CACNA2D4: variants seen among roughly 807,000 people sequenced by gnomAD.
The protein encoded by CACNA2D4 is calcium voltage-gated channel auxiliary subunit alpha2delta 4.
CACNA2D4 carries 157 observed loss-of-function variants against 163.8 expected under a neutral mutation model. The observed-to-expected ratio is 0.96, with a 90% CI of 0.84 to 1.09. The LOEUF is 1.09. Ranked by LOEUF, CACNA2D4 falls within the 50% of genes least tolerant of loss-of-function variation. The probability of loss-of-function intolerance (pLI) is 0.00; values close to 1 mark genes in which losing one functional copy is unlikely to be tolerated. For synonymous variants in CACNA2D4, 598 were observed against 586.9 expected, an observed-to-expected ratio of 1.02 and a Z score of -0.27; for missense variants, 1,410 against 1,479.9, an observed-to-expected ratio of 0.95 and a Z score of 0.78.
chr12:1,905,852 A>G (rs1866647988), intron 6 of CACNA2D4, among the ~76,000 whole-genome samples: 1 of 152,176 alleles, frequency 6.6e-6, no homozygotes, highest in African/African-American at 2.4e-5. Flanking sequence ...TTTATATGGA[A>G]CTCAAGAAAC....
At chr12:1,910,062 C>T in intron 3 of CACNA2D4, 97 bp from the exon 4 acceptor site, 1 of 944,706 alleles carries the variant, frequency 1.1e-6, no homozygotes, top group Non-Finnish European at 1.7e-6. Flanking sequence ...AGCAATCCCA[C>T]TCCTGGGTGT....
intron 26 of CACNA2D4, among the ~76,000 whole-genome samples, chr12:1,822,464 AGCCCCAGGGACACCACCCTGAGCCCG>A (rs564490319): frequency 0.018 from 2,766 of 151,542 alleles, 29 homozygotes; most frequent in Non-Finnish European, 0.022. Context: ...CCCTGAGCCC[AGCCCCAGGGACACCACCCTGAGCCCG>A]GCCCCAGGGC....
intron 26 of CACNA2D4, among the ~76,000 whole-genome samples, chr12:1,839,689 G>A (rs1481812260): frequency 6.6e-6 from 1 of 152,224 alleles, no homozygotes; most frequent in Non-Finnish European, 1.5e-5. Flanking sequence ...GGCACACGCT[G>A]AACACACACA....
At position 1,810,566 on chromosome 12, in the gene CACNA2D4, A is replaced by G. The variant is rs1470606941; in HGVS notation, c.2635T>C (p.Cys879Arg). The part of the protein sequence containing the change: ...TRQCSTVDGP[C>R]TQSCEDSDLD... Reference sequence around the variant, plus strand: ...ACACTGTCCTCGCAGCTCTGTGTGCACGGCCCATCCACAGTGCTGCACTGG... The same window carrying G: ...ACACTGTCCTCGCAGCTCTGTGTGCGCGGCCCATCCACAGTGCTGCACTGG... The change falls in exon 28 of 38, where the codon TGC (cysteine) becomes CGC (arginine). Residue 879 changes from cysteine to arginine, a missense_variant. By Grantham distance (180) the Cys-to-Arg change is radical. Transcript: ENST00000382722. The G allele has an allele frequency of 5.1e-6, 8 of 1,553,700 alleles. No individual in the cohort carries two copies. The highest frequency in any genetic ancestry group is 7.0e-6 in the Non-Finnish European group (8 of 1,148,066).
intron 18 of CACNA2D4, among the ~76,000 whole-genome samples, chr12:1,873,942 C>T (rs1865834325): frequency 6.6e-6 from 1 of 152,138 alleles, no homozygotes; most frequent in Non-Finnish European, 1.5e-5. Flanking sequence ...TTGCTGCAGG[C>T]AGATGCCTGT....
rs911549344 is a variant in CACNA2D4, at chr12:1,802,172, G to A, written c.2722-528C>T. ...TGAGAGGGCTGCTGTGGCTTTTGCT[G>A]TCCCTCCATCACCTCCCACAATCAG... On this transcript the variant is annotated intron_variant, in intron 29 of 37. Transcript: ENST00000382722. The surrounding 1 kb of genome is among the most constrained non-coding windows in gnomAD (Gnocchi z 4.7). Among the ~76,000 whole-genome samples the A allele has an allele frequency of 7.2e-5, 11 of 152,036 alleles. No individual in the cohort carries two copies. Among genetic ancestry groups the A allele is most frequent in the Non-Finnish European group, 1.3e-4 (9 of 67,978 alleles).
rs557855702 is a variant in CACNA2D4 at position 1,802,946 on chromosome 12, A to G, written c.2722-1302T>C. On this transcript the variant is annotated intron_variant, in intron 29 of 37. Transcript: ENST00000382722. This position sits in a 1 kb window ranked among gnomAD's most constrained non-coding sequence, Gnocchi z 4.7. ...TGTCTTACTCATCTCTGAATTCCCCAAAGTGTCTTGGTACCTGGACATACT... is the reference window on the plus strand; with the variant it reads ...TGTCTTACTCATCTCTGAATTCCCCGAAGTGTCTTGGTACCTGGACATACT... Among the ~76,000 whole-genome samples the G allele has an allele frequency of 3.9e-5, 6 of 152,322 alleles. No homozygotes were observed. The highest frequency in any genetic ancestry group is 1.9e-4 in the East Asian group (1 of 5,184).
intron 22 of CACNA2D4, among the ~76,000 whole-genome samples, chr12:1,854,983 C>CG (rs895617509): frequency 6.6e-6 from 1 of 152,126 alleles, no homozygotes; most frequent in Non-Finnish European, 1.5e-5. Flanking sequence ...TTATCACCCC[C>CG]CAAAGGAGAT....
In CACNA2D4 at chr12:1,800,011, C is replaced by G. The variant is rs1863257194; in HGVS notation, c.2963G>C (p.Arg988Thr). The G allele has an allele frequency of 6.2e-7, 1 of 1,604,854 alleles. No homozygotes were observed. The highest frequency in any genetic ancestry group is 1.3e-5 in the African/African-American group (1 of 74,792). The change falls in exon 33 of 38, where the codon AGA (arginine) becomes ACA (threonine). Residue 988 changes from arginine (R) to threonine (T), a missense_variant. Transcript: ENST00000382722. ...CTCCGTGCACTCACCCTCGGCCCCTCTGTCGTACCAGGAGCCCCAGACACT... is the reference window on the plus strand; with the variant it reads ...CTCCGTGCACTCACCCTCGGCCCCTGTGTCGTACCAGGAGCCCCAGACACT... ...EWSVWGSWYDRGAEAKSVFHH... is the reference protein window; with the variant it reads ...EWSVWGSWYDTGAEAKSVFHH...
intron 6 of CACNA2D4, among the ~76,000 whole-genome samples, chr12:1,893,051 C>A (rs1009522258): frequency 6.6e-6 from 1 of 152,098 alleles, no homozygotes; most frequent in Admixed American, 6.5e-5. Context: ...ATAGTTGGAA[C>A]GTAAACACCC....
Position 1,828,192 on chromosome 12 carries a change from C to CAGCCACT in CACNA2D4, c.2551+12546_2551+12547insAGTGGCT. The stretch of plus-strand genomic sequence containing the variant: ...AGCCCTGGGCAGAGGGGCAGGCTCG[C>CAGCCACT]CCTGCAGTGGAGGCAAGTCTCCTGT... On this transcript the variant is annotated intron_variant, in intron 26 of 37. Coordinates refer to ENST00000382722, the MANE Select transcript of CACNA2D4 (RefSeq NM_172364.5). The surrounding 1 kb of genome is among the most constrained non-coding windows in gnomAD (Gnocchi z 4.2). The CAGCCACT allele has an allele frequency of 6.5e-7, 1 of 1,547,110 alleles. No individual in the cohort carries two copies. The highest frequency in any genetic ancestry group is 8.7e-7 in the Non-Finnish European group (1 of 1,145,434).
In CACNA2D4 at chr12:1,854,039, C is replaced by A. The variant is rs578029299; in HGVS notation, c.2158G>T (p.Glu720Ter). The part of the protein sequence containing the change: ...TRKDPDLECD[E>*]ELVREVLFDA... Reference sequence around the variant, plus strand: ...AACAGCACCTCCCGGACCAGCTCCTCGTCACCTGGGTGCAAAACATCAGGG... The same window carrying A: ...AACAGCACCTCCCGGACCAGCTCCTAGTCACCTGGGTGCAAAACATCAGGG... Residue 720 changes from glutamate to a stop codon, truncating the protein, a stop_gained, in exon 23 of 38, where the codon GAG becomes TAG. Coordinates refer to ENST00000382722, the MANE Select transcript of CACNA2D4 (RefSeq NM_172364.5). LOFTEE classifies it high-confidence loss of function. 2 of 1,608,576 alleles carry A rather than the reference C, an allele frequency of 1.2e-6. No individual in the cohort carries two copies. Among genetic ancestry groups the A allele is most frequent in the Non-Finnish European group, 1.7e-6 (2 of 1,176,896 alleles).
intron 27 of CACNA2D4, among the ~76,000 whole-genome samples, 159 bp from the exon 28 acceptor site, chr12:1,810,746 G>A (rs1863678761): frequency 1.3e-5 from 2 of 152,288 alleles, no homozygotes; most frequent in Non-Finnish European, 1.5e-5. Flanking sequence ...GGGTGTGGGT[G>A]TGGGATGTGT....
chr12:1,815,688 G>A (rs959502890), intron 26 of CACNA2D4, among the ~76,000 whole-genome samples: 5 of 144,180 alleles, frequency 3.5e-5, no homozygotes, highest in Non-Finnish European at 4.4e-5. Flanking sequence ...CGGGGAAGCC[G>A]AATTCTACCA....
rs1865497671 is a variant in CACNA2D4, at chr12:1,860,351, C to T, written c.1879-145G>A. 4.6e-6 allele frequency: 3 copies of T among 655,162 alleles called. No individual in the cohort carries two copies. The Admixed American group carries it at 7.0e-5, about 15-fold the overall frequency. The allele number at this position is 655,162 out of a possible 1,614,324, so 40.6% of individuals were successfully genotyped here. A position where few individuals can be genotyped will look rare whatever the true frequency, so the allele number is the denominator to read the frequency against. ...TCCTCCCTGACCAGCCCCTACACAC[C>T]TCATCCTAGTGACACCCATAGGCAG... is the stretch of plus-strand genomic sequence containing the variant. On this transcript the variant is annotated intron_variant, in intron 18 of 37. Coordinates refer to ENST00000382722, the MANE Select transcript of CACNA2D4 (RefSeq NM_172364.5).
At chr12:1,797,353 C>T in intron 35 of CACNA2D4, 65 bp downstream of exon 35, 5 of 1,225,760 alleles carry the variant, frequency 4.1e-6, no homozygotes, top group Non-Finnish European at 5.8e-6. Flanking sequence ...GCCCTGCCCG[C>T]ACTTCCGCCT....
intron 9 of CACNA2D4, among the ~76,000 whole-genome samples, chr12:1,885,653 A>G (rs540976199): frequency 8.5e-5 from 13 of 152,188 alleles, no homozygotes; most frequent in Non-Finnish European, 1.3e-4. Context: ...AAACTGACAT[A>G]ATGGAAAGGT....
chr12:1,821,214 C>T (rs541577944), intron 26 of CACNA2D4, among the ~76,000 whole-genome samples: 176 of 152,140 alleles, frequency 1.2e-3, no homozygotes, highest in African/African-American at 3.7e-3. Context: ...TCATGGGAAG[C>T]GGTTGGGATG....
chr12:1,902,137 A>G (rs1467722050), intron 6 of CACNA2D4, among the ~76,000 whole-genome samples: 1 of 152,094 alleles, frequency 6.6e-6, no homozygotes. Flanking sequence ...ATTGATGCAG[A>G]ATAAGCATTT....
Sources: gnomAD v4.1 joint callset for allele counts (sites outside exome capture counted in the v4.1 genomes callset) on GRCh38, gnomAD v4.1.1 for gene constraint, Gnocchi (gnomAD v3.1) non-coding constraint, MANE v1.5 for transcripts, NCBI Gene and HGNC (gene_info 2026-07-23, HGNC 2026-07-21) for gene names.